HECW2: variants seen among roughly 807,000 people sequenced by gnomAD.
HECW2 encodes the protein E3 ubiquitin-protein ligase HECW2.
In HECW2, 61 loss-of-function variants were observed where a neutral mutation model predicts 175.2. The observed-to-expected ratio is 0.35, with a 90% CI of 0.28 to 0.43. HECW2 has a LOEUF of 0.43. Among genes scored for constraint, HECW2 ranks in the 20% least tolerant of loss-of-function variants. The probability of loss-of-function intolerance (pLI) is 1.00; values close to 1 mark genes in which losing one functional copy is unlikely to be tolerated. For synonymous variants in HECW2, 671 were observed against 731.0 expected (o/e 0.92, Z 1.32); for missense variants, 1,524 against 2,000.5 (o/e 0.76, Z 4.54).
intron 2 of HECW2, among the ~76,000 whole-genome samples, chr2:196,396,907 T>C (rs895029646): frequency 1.3e-5 from 2 of 151,478 alleles, no homozygotes; most frequent in Non-Finnish European, 2.9e-5. Flanking sequence ...GTCAGGAGAT[T>C]GAGACCATCC....
In HECW2 at chr2:196,433,401, T is replaced by C. The variant is rs764007835; in HGVS notation, c.23A>G (p.His8Arg). 1 of 1,613,940 alleles carries C rather than the reference T, an allele frequency of 6.2e-7. No homozygotes were observed. The highest frequency in any genetic ancestry group is 8.5e-7 in the Non-Finnish European group (1 of 1,179,930). The change falls in exon 2 of 29, where the codon CAC (histidine) becomes CGC (arginine). Residue 8 changes from histidine to arginine, a missense_variant. Coordinates refer to ENST00000644978, the MANE Select transcript of HECW2 (RefSeq NM_001348768.2). Reference sequence around the variant, plus strand: ...ATTTCGACGCCTCACAAAAAGCAGGTGCTCCCGGGCTGAACTAGCCATCCC... The same window carrying C: ...ATTTCGACGCCTCACAAAAAGCAGGCGCTCCCGGGCTGAACTAGCCATCCC... MASSAREHLLFVRRRNPQ... is the reference protein window; with the variant it reads MASSARERLLFVRRRNPQ...
At chr2:196,222,503 C>T (rs1559445618) in intron 23 of HECW2, among the ~76,000 whole-genome samples, 163 bp from the exon 24 acceptor site, 1 of 152,138 alleles carries the variant, frequency 6.6e-6, no homozygotes, top group Non-Finnish European at 1.5e-5. Context: ...TAAACCAAAC[C>T]AGTGAAATAA....
At chr2:196,232,231 C>T (rs1688086315) in intron 21 of HECW2, among the ~76,000 whole-genome samples, 2 of 152,148 alleles carry the variant, frequency 1.3e-5, no homozygotes, top group Non-Finnish European at 2.9e-5. Flanking sequence ...ATTTTGCCTG[C>T]TTAAAATTAA....
intron 2 of HECW2, among the ~76,000 whole-genome samples, chr2:196,365,423 T>C (rs1693717129): frequency 6.6e-6 from 1 of 152,236 alleles, no homozygotes; most frequent in Non-Finnish European, 1.5e-5. Flanking sequence ...GAGGCTGACA[T>C]CACTTATATA....
chr2:196,326,335 T>G (rs906138052), intron 5 of HECW2, among the ~76,000 whole-genome samples: 2 of 152,172 alleles, frequency 1.3e-5, no homozygotes, highest in Non-Finnish European at 2.9e-5. Context: ...CAAGAACTCA[T>G]GGCCCAGGTA....
chr2:196,461,743 C>G (rs989387501), intron 1 of HECW2, among the ~76,000 whole-genome samples: 42 of 152,098 alleles, frequency 2.8e-4, no homozygotes, highest in Admixed American at 2.6e-4. Flanking sequence ...CAGACACCCA[C>G]AAAACCATCA....
intron 10 of HECW2, among the ~76,000 whole-genome samples, chr2:196,311,723 G>C (rs1004920737): frequency 9.2e-5 from 14 of 152,166 alleles, no homozygotes; most frequent in Admixed American, 8.5e-4. Context: ...CTTGAACCCA[G>C]GAGGCAGAGG....
chr2:196,329,557 G>A lies in HECW2; in HGVS notation c.571+18C>T, dbSNP rs538437179. On this transcript the variant is annotated intron_variant, in intron 5 of 28. Transcript: ENST00000644978. ...TGTACACTTTCAAACTGGATGTCAC[G>A]TTTAAAGACATTCTTACCTGACAAT... The A allele has an allele frequency of 1.6e-5, 26 of 1,603,590 alleles. 1 individual carries two copies. Among genetic ancestry groups the A allele is most frequent in the South Asian group, 1.4e-4 (13 of 90,870 alleles).
At chr2:196,534,469 A>G (rs1267782021) in intron 1 of HECW2, among the ~76,000 whole-genome samples, 1 of 152,150 alleles carries the variant, frequency 6.6e-6, no homozygotes, top group Non-Finnish European at 1.5e-5. Context: ...CTTCTCTTTA[A>G]ATAATATATA....
In HECW2 at chr2:196,216,929, A is replaced by G. The variant is rs569103660; in HGVS notation, c.4494+79T>C. ...CACATGGTATGTGTTTATGGAGAAT[A>G]GTTAGCAGTTATTAAAAACATACAC... On this transcript the variant is annotated intron_variant, in intron 27 of 28. Transcript: ENST00000644978. The G allele has an allele frequency of 7.5e-6, 7 of 929,478 alleles. No individual in the cohort carries two copies. The African/African-American group carries it at 1.1e-4, about 14-fold the overall frequency. 57.6% of individuals were successfully genotyped at this position (929,478 alleles called of 1,614,324 possible).
intron 13 of HECW2, among the ~76,000 whole-genome samples, chr2:196,300,438 T>C (rs1691001819): frequency 1.3e-5 from 2 of 152,200 alleles, no homozygotes; most frequent in Non-Finnish European, 2.9e-5. Context: ...ACACATAACA[T>C]GAAGAAATGT....
intron 2 of HECW2, among the ~76,000 whole-genome samples, chr2:196,418,742 T>C (rs1330463755): frequency 6.6e-6 from 1 of 152,154 alleles, no homozygotes; most frequent in African/African-American, 2.4e-5. Flanking sequence ...ACAGATCCTA[T>C]AGGTAAGGAA....
At position 196,431,179 on chromosome 2, in the gene HECW2, T is replaced by C. The variant is rs892862642; in HGVS notation, c.292+1953A>G. Among the ~76,000 whole-genome samples, 3 of 152,230 alleles carry C rather than the reference T, an allele frequency of 2.0e-5. No individual in the cohort carries two copies. In the South Asian group the frequency reaches 6.2e-4, roughly 32 times the overall value. On this transcript the variant is annotated intron_variant, in intron 2 of 28. Coordinates refer to ENST00000644978, the MANE Select transcript of HECW2 (RefSeq NM_001348768.2). The stretch of plus-strand genomic sequence containing the variant: ...AAGGGATTTATTTCCTAATTCTGCT[T>C]TCCTAGTGACAACCTTGGATTAATT...
At chr2:196,384,940 AG>A in intron 2 of HECW2, among the ~76,000 whole-genome samples, 1 of 151,840 alleles carries the variant, frequency 6.6e-6, no homozygotes, top group East Asian at 1.9e-4. Context: ...TTTTTTAGTC[AG>A]GGTCCTGTTC....
chr2:196,517,632 G>A (rs922818863), intron 1 of HECW2, among the ~76,000 whole-genome samples: 3 of 152,196 alleles, frequency 2.0e-5, no homozygotes, highest in Non-Finnish European at 4.4e-5. Flanking sequence ...TGTAAAGATT[G>A]TTACAGTTAC....
intron 2 of HECW2, among the ~76,000 whole-genome samples, chr2:196,346,051 T>G (rs1284199770): frequency 2.6e-5 from 4 of 152,202 alleles, no homozygotes; most frequent in Non-Finnish European, 4.4e-5. Context: ...AAAACGTTGT[T>G]GTAACAGATT....
rs756870481 is a variant in HECW2, at chr2:196,201,195, GA to G, written c.*81del. On this transcript the variant is annotated 3_prime_UTR_variant, in exon 29 of 29. Coordinates refer to ENST00000644978, the MANE Select transcript of HECW2 (RefSeq NM_001348768.2). ...TTTATCCTAAAGGAAGCATCCTCTT[GA>G]AACTTCCAATGTTCAATCATTCTTC... The G allele has an allele frequency of 1.7e-4, 156 of 923,448 alleles. 1 individual carries two copies. The highest frequency in any genetic ancestry group is 2.5e-4 in the Non-Finnish European group (141 of 554,024). The allele number at this position is 923,448 out of a possible 1,614,324, so 57.2% of individuals were successfully genotyped here.
At chr2:196,235,256 C>T (rs958684456) in intron 21 of HECW2, among the ~76,000 whole-genome samples, 1 of 151,930 alleles carries the variant, frequency 6.6e-6, no homozygotes, top group Admixed American at 6.6e-5. Context: ...CACCACCATG[C>T]CCAGCTAATT....
intron 1 of HECW2, among the ~76,000 whole-genome samples, chr2:196,439,785 G>A (rs115537394): frequency 0.022 from 3,389 of 152,256 alleles, 73 homozygotes; most frequent in South Asian, 0.091. Flanking sequence ...CTCAGGAAAC[G>A]TAATCTGAGA....
Sources: gnomAD v4.1 joint callset for allele counts (sites outside exome capture counted in the v4.1 genomes callset) on GRCh38, gnomAD v4.1.1 for gene constraint, MANE v1.5 for transcripts, NCBI Gene and HGNC (gene_info 2026-07-23, HGNC 2026-07-21) for gene names.